Variants in CDH13 observed in about 807,000 individuals in gnomAD.
The protein encoded by CDH13 is cadherin 13.
Under a neutral mutation model 63.8 loss-of-function variants are expected in CDH13, and 24 were observed. The observed-to-expected ratio is 0.38, with a 90% CI of 0.27 to 0.53. CDH13 has a LOEUF of 0.53. CDH13 is among the 20% of genes least tolerant of loss of function. CDH13 has a pLI of 0.85. For missense variants in CDH13, 1,049 were observed against 903.1 expected (o/e 1.16, Z -2.07); for synonymous variants, 503 against 355.3 (o/e 1.42, Z -4.67).
In CDH13 at chr16:82,843,394, C is replaced by T. The variant is rs549795566; in HGVS notation, c.46-14968C>T. Among the ~76,000 whole-genome samples the T allele has an allele frequency of 3.3e-5, 5 of 152,294 alleles. No homozygotes were observed. In the East Asian group the frequency reaches 7.7e-4, roughly 24 times the overall value. Reference sequence around the variant, plus strand: ...ATGTTTGTATGAACATTTGGGGAAACATCTTAACTGTCTACCAGGCAGTTA... The same window carrying T: ...ATGTTTGTATGAACATTTGGGGAAATATCTTAACTGTCTACCAGGCAGTTA... On this transcript the variant is annotated intron_variant, in intron 1 of 13. Coordinates refer to ENST00000567109, the MANE Select transcript of CDH13 (RefSeq NM_001257.5).
chr16:83,534,906 C>A (rs1271243751), intron 7 of CDH13, among the ~76,000 whole-genome samples: 1 of 152,216 alleles, frequency 6.6e-6, no homozygotes, highest in Non-Finnish European at 1.5e-5. Context: ...TACACAAATT[C>A]ATTAGAGCAC....
At chr16:83,741,500 A>ATATATGTG (rs1555523569) in intron 10 of CDH13, among the ~76,000 whole-genome samples, 68 of 149,832 alleles carry the variant, frequency 4.5e-4, no homozygotes, top group Middle Eastern at 3.5e-3. Context: ...ATATATATAT[A>ATATATGTG]TGTGTGTGTG....
intron 4 of CDH13, among the ~76,000 whole-genome samples, chr16:83,209,262 A>G (rs2039268661): frequency 6.6e-6 from 1 of 152,182 alleles, no homozygotes; most frequent in African/African-American, 2.4e-5. Context: ...CCTATGAGTC[A>G]GGGCCTGGAT....
At chr16:83,585,790 C>G (rs1204212268) in intron 7 of CDH13, among the ~76,000 whole-genome samples, 1 of 151,978 alleles carries the variant, frequency 6.6e-6, no homozygotes, top group Non-Finnish European at 1.5e-5. Context: ...GTGGAAAGAG[C>G]TGGGAAATGG....
chr16:82,642,030 A>C (rs1421503846), intron 1 of CDH13, among the ~76,000 whole-genome samples: 2 of 150,964 alleles, frequency 1.3e-5, no homozygotes, highest in Non-Finnish European at 2.9e-5. Flanking sequence ...TCCATTCACC[A>C]ACTCCTTATG....
intron 8 of CDH13, among the ~76,000 whole-genome samples, chr16:83,616,270 C>G (rs1204149382): frequency 4.6e-5 from 7 of 152,192 alleles, no homozygotes; most frequent in Middle Eastern, 3.2e-3. Flanking sequence ...AATATATAAT[C>G]TACCATGTGG....
Position 83,011,825 on chromosome 16 carries a change from C to G in CDH13, c.158-20185C>G, listed in dbSNP as rs138863974. Among the ~76,000 whole-genome samples, 642 of 152,310 alleles carry G rather than the reference C, an allele frequency of 4.2e-3. 20 individuals are homozygous for G. Among genetic ancestry groups the G allele is most frequent in the Admixed American group, 0.039 (601 of 15,300 alleles). ...CCAGCAAGTGTTCAGTTCAGCAGAA[C>G]AAAGGGTCTTGCTCTTTGCTGGATC... On this transcript the variant is annotated intron_variant, in intron 2 of 13. Transcript: ENST00000567109.
In CDH13 at chr16:82,770,149, C is replaced by A. The variant is rs998734674; in HGVS notation, c.46-88213C>A. 9.2e-5 allele frequency among the ~76,000 whole-genome samples: 14 copies of A among 152,198 alleles called. 1 individual carries two copies. Among genetic ancestry groups the A allele is most frequent in the South Asian group, 2.1e-4 (1 of 4,830 alleles). ...GCTCAGGCTGGTAACTGCCACAGAA[C>A]CTGGCTGTGATTTGGTCTTATTAGA... is the stretch of plus-strand genomic sequence containing the variant. On this transcript the variant is annotated intron_variant, in intron 1 of 13. Coordinates refer to ENST00000567109, the MANE Select transcript of CDH13 (RefSeq NM_001257.5).
intron 1 of CDH13, among the ~76,000 whole-genome samples, chr16:82,758,490 T>C (rs555422716): frequency 1.3e-5 from 2 of 151,132 alleles, no homozygotes; most frequent in South Asian, 4.3e-4. Context: ...AGCAGTCTTC[T>C]GACTCCCACT....
At chr16:83,561,990 A>G (rs1429860952) in intron 7 of CDH13, among the ~76,000 whole-genome samples, 1 of 152,202 alleles carries the variant, frequency 6.6e-6, no homozygotes, top group Non-Finnish European at 1.5e-5. Flanking sequence ...AGTGCCGCAG[A>G]GTCAAGATCC....
intron 5 of CDH13, among the ~76,000 whole-genome samples, chr16:83,337,615 A>G (rs912567057): frequency 1.4e-5 from 2 of 145,058 alleles, no homozygotes; most frequent in African/African-American, 5.1e-5. Context: ...TTAAATTGAC[A>G]AGCGTATTTT....
At chr16:83,357,437 A>C (rs1031441056) in intron 6 of CDH13, among the ~76,000 whole-genome samples, 3 of 152,100 alleles carry the variant, frequency 2.0e-5, no homozygotes, top group Admixed American at 6.5e-5. Context: ...CTAGCTTTGG[A>C]AACCACGTTT....
chr16:83,315,897 T>C (rs1457672980), intron 5 of CDH13, among the ~76,000 whole-genome samples: 1 of 151,980 alleles, frequency 6.6e-6, no homozygotes, highest in Admixed American at 6.6e-5. Flanking sequence ...TATATGGGAG[T>C]ATATATTGAA....
At chr16:83,350,014 G>A (rs1597806760) in intron 6 of CDH13, among the ~76,000 whole-genome samples, 2 of 152,264 alleles carry the variant, frequency 1.3e-5, no homozygotes, top group South Asian at 2.1e-4. Flanking sequence ...CAGCTAAGGG[G>A]CAGGTAGCTA....
intron 3 of CDH13, among the ~76,000 whole-genome samples, chr16:83,110,348 A>G (rs1192218761): frequency 1.3e-5 from 2 of 152,206 alleles, no homozygotes; most frequent in Non-Finnish European, 2.9e-5. Context: ...TAACCACACA[A>G]CAGCTGGTTT....
At chr16:83,080,550 G>C (rs4432260) in intron 3 of CDH13, among the ~76,000 whole-genome samples, 98,884 of 151,486 alleles carry the variant, frequency 0.65, 33,391 homozygotes, top group East Asian at 0.88. Flanking sequence ...GTGAAATAGA[G>C]TCTGTTATTA....
chr16:82,751,489 C>T (rs560309250), intron 1 of CDH13, among the ~76,000 whole-genome samples: 1 of 152,118 alleles, frequency 6.6e-6, no homozygotes, highest in Admixed American at 6.5e-5. Flanking sequence ...CCTCCTACTA[C>T]AGCACCTCAT....
chr16:83,099,048 A>G (rs1290193477), intron 3 of CDH13, among the ~76,000 whole-genome samples: 2 of 152,102 alleles, frequency 1.3e-5, no homozygotes, highest in Non-Finnish European at 2.9e-5. Flanking sequence ...GTGTATGTAT[A>G]CATACACATA....
chr16:83,532,167 C>T (rs1225822545), intron 7 of CDH13, among the ~76,000 whole-genome samples: 1 of 152,146 alleles, frequency 6.6e-6, no homozygotes, highest in Non-Finnish European at 1.5e-5. Context: ...GAAGCCTCCT[C>T]AACCACAAGG....
Sources: gnomAD v4.1 joint callset for allele counts (sites outside exome capture counted in the v4.1 genomes callset) on GRCh38, gnomAD v4.1.1 for gene constraint, MANE v1.5 for transcripts, NCBI Gene and HGNC (gene_info 2026-07-23, HGNC 2026-07-21) for gene names.